CLTC: variants seen among roughly 807,000 people sequenced by gnomAD.
CLTC encodes clathrin heavy chain 1.
A neutral mutation model predicts 195.8 loss-of-function variants in CLTC; 16 were observed. The observed-to-expected ratio is 0.08, with a 90% CI of 0.06 to 0.12. CLTC has a LOEUF of 0.12. Among genes scored for constraint, CLTC ranks in the 10% least tolerant of loss-of-function variants. The pLI, the probability that CLTC is intolerant of heterozygous loss-of-function variation, is 1.00. For missense variants in CLTC, 796 were observed against 2,027.0 expected (o/e 0.39, Z 11.66); for synonymous variants, 667 against 689.4 (o/e 0.97, Z 0.51).
At position 59,648,107 on chromosome 17, in the gene CLTC, T is replaced by C. The variant is rs1389469792; in HGVS notation, c.520-133T>C. 6.0e-6 allele frequency: 5 copies of C among 830,330 alleles called. No homozygotes were observed. The highest frequency in any genetic ancestry group is 9.3e-6 in the Non-Finnish European group (5 of 540,288). 51.4% of individuals were successfully genotyped at this position (830,330 alleles called of 1,614,324 possible). On this transcript the variant is annotated intron_variant, in intron 3 of 31. Transcript: ENST00000269122. This position sits in a 1 kb window ranked among gnomAD's most constrained non-coding sequence, Gnocchi z 4.5. The stretch of plus-strand genomic sequence containing the variant: ...AAGTTAAGAAGTATCAAATCTACAG[T>C]GAGAGATGAAGTGACAAATAATTAT...
In CLTC at chr17:59,666,461, C is replaced by T. The variant is rs900894736; in HGVS notation, c.1783-19C>T. On this transcript the variant is annotated intron_variant, in intron 11 of 31. Coordinates refer to ENST00000269122, the MANE Select transcript of CLTC (RefSeq NM_004859.4). The surrounding 1 kb of genome is among the most constrained non-coding windows in gnomAD (Gnocchi z 4.9). ...TAAGTGGAGTGGACAATAAACTTGC[C>T]TTGTTTGTGGTTTTACAGGTTGCAG... 1.3e-5 allele frequency: 21 copies of T among 1,607,584 alleles called. No individual in the cohort carries two copies. Among genetic ancestry groups the T allele is most frequent in the Non-Finnish European group, 1.8e-5 (21 of 1,175,770 alleles).
chr17:59,683,407 A>G lies in CLTC; in HGVS notation c.4062A>G (p.Gln1354=), dbSNP rs2033117873. ...NIPKVLRAAE[Q]AHLWAELVFL... ...TGCAGGTGCTAAGAGCTGCAGAACA[A>G]GCTCATCTTTGGGCAGAACTGGTGT... is the stretch of plus-strand genomic sequence containing the variant. Residue 1354 remains glutamine, a synonymous_variant, in exon 26 of 32, where the codon CAA becomes CAG. Coordinates refer to ENST00000269122, the MANE Select transcript of CLTC (RefSeq NM_004859.4). The surrounding 1 kb of genome is among the most constrained non-coding windows in gnomAD (Gnocchi z 6.1). 1 of 1,613,270 alleles carries G rather than the reference A, an allele frequency of 6.2e-7. No individual in the cohort carries two copies. The highest frequency in any genetic ancestry group is 8.5e-7 in the Non-Finnish European group (1 of 1,179,686).
At chr17:59,635,394 G>A (rs2031832613) in intron 1 of CLTC, among the ~76,000 whole-genome samples, 1 of 152,138 alleles carries the variant, frequency 6.6e-6, no homozygotes, top group Admixed American at 6.5e-5. Flanking sequence ...AACTCCTTAG[G>A]TATACTTACA....
rs983233072 is a variant in CLTC at position 59,655,410 on chromosome 17, A to G, written c.796-444A>G. On this transcript the variant is annotated intron_variant, in intron 5 of 31. Transcript: ENST00000269122. ...CAAAGATGACTGGCCACAGATCAAC[A>G]TGACAGATACAATAATGAAAAGGTT... is the stretch of plus-strand genomic sequence containing the variant. Among the ~76,000 whole-genome samples the G allele has an allele frequency of 3.3e-5, 5 of 152,368 alleles. No homozygotes were observed. The East Asian group carries it at 9.6e-4, about 29-fold the overall frequency.
chr17:59,684,446 T>G (rs2143598529), intron 28 of CLTC: 1 of 170,512 alleles, frequency 5.9e-6, no homozygotes, highest in Non-Finnish European at 1.3e-5. Flanking sequence ...TCTTTGAGGC[T>G]CAGCGCATGC....
Position 59,685,063 on chromosome 17 carries a change from G to A in CLTC, c.4442G>A (p.Arg1481Gln). The A allele has an allele frequency of 6.4e-7, 1 of 1,567,278 alleles. No individual in the cohort carries two copies. Among genetic ancestry groups the A allele is most frequent in the Non-Finnish European group, 8.7e-7 (1 of 1,151,954 alleles). Residue 1481 changes from arginine (R) to glutamine (Q), a missense_variant, in exon 29 of 32, where the codon CGA becomes CAA. By Grantham distance (43) the Arg-to-Gln change is conservative (BLOSUM62 1). Coordinates refer to ENST00000269122, the MANE Select transcript of CLTC (RefSeq NM_004859.4). This position sits in a 1 kb window ranked among gnomAD's most constrained non-coding sequence, Gnocchi z 5.0. ...TGGCTTTTTTTTTTTAAGGCTCTGC[G>A]AACATCAATAGATGCTTATGACAAC... is the stretch of plus-strand genomic sequence containing the variant. ...FITEEDYQAL[R>Q]TSIDAYDNFD...
At chr17:59,687,718 T>C (rs1391106051) in intron 30 of CLTC, among the ~76,000 whole-genome samples, 1 of 152,190 alleles carries the variant, frequency 6.6e-6, no homozygotes, top group African/African-American at 2.4e-5. Context: ...ACATGAATTA[T>C]TTTTAACAAA....
chr17:59,635,836 G>T (rs1448634317), intron 1 of CLTC, among the ~76,000 whole-genome samples: 2 of 152,170 alleles, frequency 1.3e-5, no homozygotes, highest in African/African-American at 2.4e-5. Flanking sequence ...GTCTTTAGGA[G>T]CATGTGAACA....
chr17:59,676,207 T>A (rs1423151985), intron 16 of CLTC, among the ~76,000 whole-genome samples: 1 of 152,026 alleles, frequency 6.6e-6, no homozygotes, highest in African/African-American at 2.4e-5. Flanking sequence ...AAAATAAAAA[T>A]AAAAGGAGGC....
At chr17:59,651,049 C>G (rs923713543) in intron 4 of CLTC, among the ~76,000 whole-genome samples, 154 bp from the exon 5 acceptor site, 2 of 151,986 alleles carry the variant, frequency 1.3e-5, no homozygotes, top group African/African-American at 4.8e-5. Flanking sequence ...CTTTTTATTA[C>G]CAAGTATTCC....
intron 28 of CLTC, among the ~76,000 whole-genome samples, chr17:59,684,800 C>CG (rs1491185983): frequency 1.5e-5 from 1 of 65,328 alleles, no homozygotes. Flanking sequence ...GAGGGAGACT[C>CG]CATCTCAAAA....
intron 1 of CLTC, among the ~76,000 whole-genome samples, chr17:59,635,974 C>A (rs528357695): frequency 5.1e-4 from 78 of 152,222 alleles, no homozygotes; most frequent in African/African-American, 1.8e-3. Context: ...CTTTGGGAGG[C>A]CGAGGCAGGC....
Position 59,695,865 on chromosome 17 carries a change from C to T in CLTC, c.*2013C>T, listed in dbSNP as rs2033410278. Reference sequence around the variant, plus strand: ...AAAAATAATAATAGTATTATGAAAACATTGACTCTGTGGAGACCCTGTGGG... The same window carrying T: ...AAAAATAATAATAGTATTATGAAAATATTGACTCTGTGGAGACCCTGTGGG... On this transcript the variant is annotated 3_prime_UTR_variant, in exon 32 of 32. Transcript: ENST00000269122. 2 of 194,250 alleles carry T rather than the reference C, an allele frequency of 1.0e-5. No individual in the cohort carries two copies. The highest frequency in any genetic ancestry group is 2.3e-5 in the African/African-American group (1 of 43,066). The allele number at this position is 194,250 out of a possible 1,614,324, so 12.0% of individuals were successfully genotyped here.
rs370401171 is a variant in CLTC at position 59,681,869 on chromosome 17, C to T, written c.3442+30C>T. ...GACTTCTTACCTTATGTATTGAAAC[C>T]TCATAAAATGATTAAGCTAAGCATT... On this transcript the variant is annotated intron_variant, in intron 21 of 31. Transcript: ENST00000269122. This position sits in a 1 kb window ranked among gnomAD's most constrained non-coding sequence, Gnocchi z 5.0. The T allele has an allele frequency of 8.4e-5, 130 of 1,551,874 alleles. No individual in the cohort carries two copies. The highest frequency in any genetic ancestry group is 1.1e-4 in the Non-Finnish European group (124 of 1,140,114).
intron 5 of CLTC, among the ~76,000 whole-genome samples, chr17:59,652,386 T>G (rs796780365): frequency 1.3e-5 from 2 of 152,230 alleles, no homozygotes; most frequent in African/African-American, 4.8e-5. Context: ...TAAATTTACT[T>G]TGCCCAGATC....
Position 59,694,312 on chromosome 17 carries a change from A to G in CLTC, c.*460A>G, listed in dbSNP as rs890870592. 1.3e-5 allele frequency: 3 copies of G among 222,300 alleles called. No homozygotes were observed. The highest frequency in any genetic ancestry group is 2.7e-5 in the Non-Finnish European group (3 of 110,942). The allele number at this position is 222,300 out of a possible 1,614,324, so 13.8% of individuals were successfully genotyped here. A position where few individuals can be genotyped will look rare whatever the true frequency, so the allele number is the denominator to read the frequency against. ...AAAGCAAAAACACTGGCATATGACC[A>G]TGCAAGACTGTCAGTGCCAACAAAG... On this transcript the variant is annotated 3_prime_UTR_variant, in exon 32 of 32. Transcript: ENST00000269122.
chr17:59,667,261 A>G (rs1376564900), intron 13 of CLTC, among the ~76,000 whole-genome samples: 2 of 152,224 alleles, frequency 1.3e-5, no homozygotes, highest in African/African-American at 4.8e-5. Context: ...ATGAAAATAC[A>G]GGTTGAGTGT....
chr17:59,637,916 A>G (rs1266611021), intron 1 of CLTC, among the ~76,000 whole-genome samples: 1 of 151,220 alleles, frequency 6.6e-6, no homozygotes, highest in East Asian at 2.0e-4. Flanking sequence ...ACCCTGTATG[A>G]GAAAAAAAAG....
chr17:59,661,906 C>T (rs11872004), intron 8 of CLTC, among the ~76,000 whole-genome samples: 86,050 of 151,740 alleles, frequency 0.57, 28,096 homozygotes, highest in Non-Finnish European at 0.74. Context: ...AGTTTGAGAC[C>T]AGCCTGACCA....
Sources: gnomAD v4.1 joint callset for allele counts (sites outside exome capture counted in the v4.1 genomes callset) on GRCh38, gnomAD v4.1.1 for gene constraint, Gnocchi (gnomAD v3.1) non-coding constraint, MANE v1.5 for transcripts, NCBI Gene and HGNC (gene_info 2026-07-23, HGNC 2026-07-21) for gene names.